STPG2: variants seen among roughly 807,000 people sequenced by gnomAD.
STPG2 encodes the protein sperm tail PG-rich repeat containing 2, also known as sperm-tail PG-rich repeat-containing protein 2.
Under a neutral mutation model 54.2 loss-of-function variants are expected in STPG2, and 56 were observed. The observed-to-expected ratio is 1.03, with a 90% CI of 0.83 to 1.29. The LOEUF (loss-of-function observed/expected upper bound fraction) is 1.29, where lower values mean the gene tolerates loss of function less well. STPG2 is among the 50% of genes most tolerant of loss of function. The probability of loss-of-function intolerance (pLI) is 0.00; values close to 1 mark genes in which losing one functional copy is unlikely to be tolerated. For missense variants in STPG2, 596 were observed against 544.9 expected (o/e 1.09, Z -0.93); for synonymous variants, 200 against 181.8 (o/e 1.10, Z -0.81).
intron 5 of STPG2, among the ~76,000 whole-genome samples, chr4:98,046,633 C>T (rs909710858): frequency 3.9e-5 from 6 of 152,106 alleles, no homozygotes; most frequent in African/African-American, 1.2e-4. Flanking sequence ...CTTCAAGATG[C>T]GGCCAAAAAA....
chr4:97,655,477 A>G (rs1239443415), intron 10 of STPG2, among the ~76,000 whole-genome samples: 6 of 152,064 alleles, frequency 3.9e-5, no homozygotes. Flanking sequence ...ACAAAAGTAG[A>G]ACTTTTCACT....
At chr4:98,093,699 C>G (rs1317055885) in intron 5 of STPG2, among the ~76,000 whole-genome samples, 1 of 152,186 alleles carries the variant, frequency 6.6e-6, no homozygotes, top group Non-Finnish European at 1.5e-5. Context: ...CCCCATCCCC[C>G]AACTGTAGCC....
At chr4:98,078,502 T>C (rs755538584) in intron 5 of STPG2, among the ~76,000 whole-genome samples, 5 of 151,956 alleles carry the variant, frequency 3.3e-5, no homozygotes, top group Non-Finnish European at 7.4e-5. Context: ...TTCAGTGTTT[T>C]AAGTATATAC....
In STPG2 at chr4:98,041,328, T is replaced by C. The variant is rs571137201; in HGVS notation, c.613-60010A>G. Among the ~76,000 whole-genome samples the C allele has an allele frequency of 1.1e-4, 17 of 152,100 alleles. No homozygotes were observed. The South Asian group carries it at 2.3e-3, about 20-fold the overall frequency. Reference sequence around the variant, plus strand: ...ATTCAGATGTATTCTTTCTGTCTCTTGCCTGATTGCTCTGGCTAGAACTTT... The same window carrying C: ...ATTCAGATGTATTCTTTCTGTCTCTCGCCTGATTGCTCTGGCTAGAACTTT... On this transcript the variant is annotated intron_variant, in intron 5 of 10. Coordinates refer to ENST00000295268, the MANE Select transcript of STPG2 (RefSeq NM_174952.3).
In STPG2 at chr4:98,081,023, C is replaced by G. The variant is rs1210469985; in HGVS notation, c.612+24930G>C. Among the ~76,000 whole-genome samples the G allele has an allele frequency of 3.3e-5, 5 of 152,118 alleles. 1 individual carries two copies. In the South Asian group the frequency reaches 6.2e-4, roughly 19 times the overall value. ...GCCTTGGCCACTTTTATGTCCTTGT[C>G]CTGCCTCTCAAAGCTGCTGCCCTCT... is the stretch of plus-strand genomic sequence containing the variant. On this transcript the variant is annotated intron_variant, in intron 5 of 10. Transcript: ENST00000295268.
rs187665078 is a variant in STPG2, at chr4:97,537,208, G to C, written c.462+175491C>G. ...GTCGGACAGTGGGTGCAGGACAGTGGGTGCAGTGAACCGAGTGTGAGCCAA... is the reference window on the plus strand; with the variant it reads ...GTCGGACAGTGGGTGCAGGACAGTGCGTGCAGTGAACCGAGTGTGAGCCAA... On this transcript the variant is annotated intron_variant, in intron 4 of 4. Transcript: ENST00000522676. Among the ~76,000 whole-genome samples the C allele has an allele frequency of 1.1e-3, 168 of 152,158 alleles. 1 individual carries two copies. The highest frequency in any genetic ancestry group is 1.9e-3 in the Non-Finnish European group (129 of 68,006).
chr4:97,712,721 G>T lies in STPG2; in HGVS notation c.1298C>A (p.Thr433Asn), dbSNP rs757222386. 15 of 1,596,918 alleles carry T rather than the reference G, an allele frequency of 9.4e-6. No homozygotes were observed. Among genetic ancestry groups the T allele is most frequent in the Non-Finnish European group, 1.3e-5 (15 of 1,170,586 alleles). ...SKRFEESKEI[T>N]PGPATYEISQ... ...AACCTCATATGTTGCTGGGCCTGGA[G>T]TAATCTCTTTGGACTCTTCAAAGCG... The change falls in exon 10 of 11, where the codon ACT becomes AAT. Residue 433 changes from threonine (T) to asparagine (N), a missense_variant. By Grantham distance (65) the Thr-to-Asn change is moderately conservative. Transcript: ENST00000295268.
intron 8 of STPG2, among the ~76,000 whole-genome samples, chr4:97,857,042 T>C (rs1304638060): frequency 1.3e-5 from 2 of 152,222 alleles, no homozygotes; most frequent in Non-Finnish European, 2.9e-5. Flanking sequence ...TTTGATGTGC[T>C]GCTGGATCCA....
chr4:97,776,716 T>TA (rs1270963064), intron 9 of STPG2, among the ~76,000 whole-genome samples: 1 of 152,132 alleles, frequency 6.6e-6, no homozygotes, highest in African/African-American at 2.4e-5. Flanking sequence ...CAAATATTCT[T>TA]AAAAAGCACT....
At chr4:97,973,561 G>A (rs1169617654) in intron 6 of STPG2, among the ~76,000 whole-genome samples, 1 of 152,190 alleles carries the variant, frequency 6.6e-6, no homozygotes, top group East Asian at 1.9e-4. Context: ...AAGACAATGG[G>A]AAAAATGTCT....
intron 4 of STPG2, among the ~76,000 whole-genome samples, chr4:97,503,973 A>G (rs59084734): frequency 2.2e-5 from 3 of 138,982 alleles, no homozygotes; most frequent in African/African-American, 7.9e-5. Flanking sequence ...ATATATTTTA[A>G]AAATATATTT....
At chr4:97,448,944 A>G (rs946646541) in intron 4 of STPG2, among the ~76,000 whole-genome samples, 7 of 152,168 alleles carry the variant, frequency 4.6e-5, no homozygotes, top group African/African-American at 1.7e-4. Context: ...ATAAACTTTG[A>G]AATATTATTT....
chr4:97,869,072 C>T (rs966318999), intron 8 of STPG2, among the ~76,000 whole-genome samples: 1 of 151,676 alleles, frequency 6.6e-6, no homozygotes, highest in Non-Finnish European at 1.5e-5. Flanking sequence ...GGACCAGAAA[C>T]AAAGAAAGTT....
At chr4:97,898,643 A>T (rs1417230454) in intron 8 of STPG2, among the ~76,000 whole-genome samples, 1 of 151,698 alleles carries the variant, frequency 6.6e-6, no homozygotes, top group African/African-American at 2.4e-5. Flanking sequence ...CTCCATGAGG[A>T]GGCATTTAGT....
intron 5 of STPG2, among the ~76,000 whole-genome samples, chr4:97,991,572 C>A (rs1488553988): frequency 6.6e-6 from 1 of 151,592 alleles, no homozygotes; most frequent in Non-Finnish European, 1.5e-5. Flanking sequence ...CATGTGTGTG[C>A]AAGTATCTTT....
At chr4:98,015,928 A>C (rs573092051) in intron 5 of STPG2, among the ~76,000 whole-genome samples, 1 of 152,204 alleles carries the variant, frequency 6.6e-6, no homozygotes, top group Non-Finnish European at 1.5e-5. Flanking sequence ...GAAGCTGGAA[A>C]CCATTATTCT....
intron 4 of STPG2, among the ~76,000 whole-genome samples, chr4:97,531,212 T>C (rs897017055): frequency 1.3e-5 from 2 of 152,218 alleles, no homozygotes; most frequent in Admixed American, 6.5e-5. Context: ...ATAATAAATG[T>C]TGGTGAGGAT....
chr4:97,582,804 G>A (rs144118350), intron 10 of STPG2, among the ~76,000 whole-genome samples: 2 of 152,072 alleles, frequency 1.3e-5, no homozygotes, highest in African/African-American at 4.8e-5. Flanking sequence ...TGACTCACTA[G>A]CAAGCTCTAT....
intron 10 of STPG2, among the ~76,000 whole-genome samples, chr4:97,681,771 T>C (rs1238573839): frequency 6.6e-6 from 1 of 151,796 alleles, no homozygotes; most frequent in Non-Finnish European, 1.5e-5. Flanking sequence ...CTAATATTAT[T>C]CATTATTGTC....
Sources: allele counts gnomAD v4.1 joint callset (sites outside exome capture counted in the v4.1 genomes callset), GRCh38; gene constraint gnomAD v4.1.1; transcripts MANE v1.5; gene names NCBI Gene and HGNC (gene_info 2026-07-23, HGNC 2026-07-21).